Variants in CAMKMT observed in about 807,000 individuals in gnomAD.
The protein encoded by CAMKMT is CaM KMT.
CAMKMT carries 53 observed loss-of-function variants against 48.0 expected under a neutral mutation model. The observed-to-expected ratio is 1.10, with a 90% CI of 0.89 to 1.39. The LOEUF (loss-of-function observed/expected upper bound fraction) is 1.39. Ranked by LOEUF, CAMKMT falls within the 40% of genes most tolerant of loss-of-function variation. The probability of loss-of-function intolerance (pLI) is 0.00; values close to 1 mark genes in which losing one functional copy is unlikely to be tolerated. For synonymous variants in CAMKMT, 165 were observed against 152.3 expected, an observed-to-expected ratio of 1.08 and a Z score of -0.61; for missense variants, 428 against 402.7, an observed-to-expected ratio of 1.06 and a Z score of -0.54.
intron 3 of CAMKMT, among the ~76,000 whole-genome samples, chr2:44,644,111 T>G (rs1351501799): frequency 1.3e-5 from 2 of 152,210 alleles, no homozygotes; most frequent in African/African-American, 4.8e-5. Flanking sequence ...ATTATCTAAT[T>G]GCTCACAGAA....
At chr2:44,460,842 C>T (rs962692277) in intron 3 of CAMKMT, among the ~76,000 whole-genome samples, 6 of 151,080 alleles carry the variant, frequency 4.0e-5, no homozygotes, top group South Asian at 4.2e-4. Flanking sequence ...CCAGCCTCAG[C>T]CTCCCGAGTA....
intron 3 of CAMKMT, among the ~76,000 whole-genome samples, chr2:44,521,397 G>T (rs1296746562): frequency 6.6e-6 from 1 of 152,006 alleles, no homozygotes; most frequent in African/African-American, 2.4e-5. Context: ...CTGTGCCTCA[G>T]CTTCCCGAGT....
At chr2:44,468,680 A>G (rs1668256576) in intron 3 of CAMKMT, among the ~76,000 whole-genome samples, 2 of 152,150 alleles carry the variant, frequency 1.3e-5, no homozygotes, top group Admixed American at 1.3e-4. Flanking sequence ...GCACTTTGGG[A>G]GGCTGAGGAG....
At chr2:44,445,440 ACCC>A (rs1185635747) in intron 3 of CAMKMT, among the ~76,000 whole-genome samples, 3 of 151,800 alleles carry the variant, frequency 2.0e-5, no homozygotes, top group Non-Finnish European at 4.4e-5. Flanking sequence ...TGCATCCCGA[ACCC>A]CTGGGATTCC....
intron 3 of CAMKMT, among the ~76,000 whole-genome samples, chr2:44,691,721 G>A (rs183733878): frequency 3.4e-4 from 52 of 152,236 alleles, no homozygotes; most frequent in African/African-American, 1.1e-3. Flanking sequence ...CAGATTGCCT[G>A]GGCTCAAATT....
chr2:44,767,904 A>G (rs978657700), intron 10 of CAMKMT, among the ~76,000 whole-genome samples: 6 of 152,174 alleles, frequency 3.9e-5, no homozygotes, highest in Non-Finnish European at 8.8e-5. Context: ...TCCCCCTAGA[A>G]CAACAAATGC....
At chr2:44,692,692 G>GT (rs77724551) in intron 3 of CAMKMT, among the ~76,000 whole-genome samples, 27,623 of 152,128 alleles carry the variant, frequency 0.18, 3,161 homozygotes, top group African/African-American at 0.32. Context: ...AAGCTGCACT[G>GT]TAACTCAGGA....
intron 3 of CAMKMT, among the ~76,000 whole-genome samples, chr2:44,454,183 T>G (rs181725214): frequency 7.5e-4 from 114 of 152,172 alleles, no homozygotes; most frequent in Non-Finnish European, 1.3e-3. Flanking sequence ...TAAGTCAGAG[T>G]GAGTTATTTC....
chr2:44,566,259 A>C (rs1668609766), intron 3 of CAMKMT, among the ~76,000 whole-genome samples: 1 of 152,198 alleles, frequency 6.6e-6, no homozygotes, highest in Non-Finnish European at 1.5e-5. Context: ...AGCATGATGA[A>C]GCAGCAAGCC....
chr2:44,574,073 A>T (rs1369482578), intron 3 of CAMKMT, among the ~76,000 whole-genome samples: 6 of 152,230 alleles, frequency 3.9e-5, no homozygotes, highest in Non-Finnish European at 8.8e-5. Context: ...ATACAGTAGT[A>T]TATTACAGTT....
intron 3 of CAMKMT, among the ~76,000 whole-genome samples, chr2:44,454,536 C>T (rs1009324155): frequency 1.3e-5 from 2 of 152,114 alleles, no homozygotes; most frequent in African/African-American, 2.4e-5. Context: ...TTCCAGGGCA[C>T]CTCCTCTGGG....
At chr2:44,699,650 C>T (rs1677151718) in intron 3 of CAMKMT, among the ~76,000 whole-genome samples, 1 of 151,904 alleles carries the variant, frequency 6.6e-6, no homozygotes, top group Non-Finnish European at 1.5e-5. Flanking sequence ...GGGTGGAGTG[C>T]AGTGGCTATT....
At chr2:44,670,495 A>C (rs1282186770) in intron 3 of CAMKMT, among the ~76,000 whole-genome samples, 1 of 152,026 alleles carries the variant, frequency 6.6e-6, no homozygotes. Flanking sequence ...TAAAAATAAC[A>C]ATAAAAATTA....
At chr2:44,711,938 C>T (rs996208292) in intron 6 of CAMKMT, among the ~76,000 whole-genome samples, 7 of 152,050 alleles carry the variant, frequency 4.6e-5, no homozygotes, top group African/African-American at 7.2e-5. Flanking sequence ...TATGTTTTTT[C>T]GACTTAAACC....
intron 3 of CAMKMT, among the ~76,000 whole-genome samples, chr2:44,401,824 C>G (rs1682398317): frequency 6.6e-6 from 1 of 151,960 alleles, no homozygotes; most frequent in South Asian, 2.1e-4. Context: ...CCAGTTTGAC[C>G]TCTACACCAG....
intron 8 of CAMKMT, among the ~76,000 whole-genome samples, chr2:44,745,206 G>A (rs1679868188): frequency 6.6e-6 from 1 of 152,140 alleles, no homozygotes; most frequent in Non-Finnish European, 1.5e-5. Context: ...ACGTGGATGG[G>A]CTCTGATTAT....
At chr2:44,718,540 T>C (rs1215724972) in intron 7 of CAMKMT, among the ~76,000 whole-genome samples, 5 of 152,238 alleles carry the variant, frequency 3.3e-5, no homozygotes, top group Non-Finnish European at 7.3e-5. Flanking sequence ...TAGAGATTGA[T>C]GAAAGAGCAA....
chr2:44,430,666 T>C (rs994766509), intron 3 of CAMKMT, among the ~76,000 whole-genome samples: 7 of 152,282 alleles, frequency 4.6e-5, no homozygotes, highest in African/African-American at 1.4e-4. Flanking sequence ...CTCTTTGCAA[T>C]AAAACTTCAA....
intron 3 of CAMKMT, among the ~76,000 whole-genome samples, chr2:44,490,366 C>T (rs947254904): frequency 3.3e-5 from 5 of 152,280 alleles, no homozygotes; most frequent in African/African-American, 1.2e-4. Flanking sequence ...ACCTCCGCCT[C>T]CCGGGTTCAA....
Sources: allele counts gnomAD v4.1 joint callset (sites outside exome capture counted in the v4.1 genomes callset), GRCh38; gene constraint gnomAD v4.1.1; transcripts MANE v1.5; gene names NCBI Gene and HGNC (gene_info 2026-07-23, HGNC 2026-07-21).